Variants in NOL4 observed in about 807,000 individuals in gnomAD.
NOL4 encodes nucleolar protein 4, also known as cancer/testis antigen 125.
Under a neutral mutation model 75.9 loss-of-function variants are expected in NOL4, and 17 were observed. That is an observed-to-expected ratio of 0.22 (90% CI 0.15 to 0.34). NOL4 has a LOEUF of 0.34. Ranked by LOEUF, NOL4 falls within the 10% of genes least tolerant of loss-of-function variation. The pLI is 1.00. For synonymous variants in NOL4, 292 were observed against 289.9 expected (o/e 1.01, Z -0.07); for missense variants, 614 against 793.5 (o/e 0.77, Z 2.72).
At chr18:33,935,428 G>C (rs1002706504) in intron 9 of NOL4, among the ~76,000 whole-genome samples, 1 of 152,112 alleles carries the variant, frequency 6.6e-6, no homozygotes, top group African/African-American at 2.4e-5. Flanking sequence ...GCTGAAGAAA[G>C]AGAGAGACAG....
chr18:34,202,022 G>A (rs535462075), intron 1 of NOL4, among the ~76,000 whole-genome samples: 23 of 151,602 alleles, frequency 1.5e-4, no homozygotes, highest in African/African-American at 4.8e-4. Context: ...TTTTATTTTG[G>A]AACATTAAAA....
intron 6 of NOL4, among the ~76,000 whole-genome samples, chr18:33,985,010 TCTGAGA>T (rs1291849323): frequency 1.7e-4 from 26 of 152,184 alleles, no homozygotes; most frequent in Admixed American, 1.7e-3. Context: ...TTTACCTAAG[TCTGAGA>T]TCCTTCATTA....
intron 2 of NOL4, among the ~76,000 whole-genome samples, chr18:34,115,724 C>T (rs543949483): frequency 2.0e-4 from 30 of 152,074 alleles, no homozygotes; most frequent in African/African-American, 6.3e-4. Context: ...AACCCTTTTT[C>T]GGGGACTTCT....
At chr18:33,877,587 A>C (rs1202529092) in intron 10 of NOL4, among the ~76,000 whole-genome samples, 2 of 151,990 alleles carry the variant, frequency 1.3e-5, no homozygotes, top group African/African-American at 4.8e-5. Context: ...CTATCAAATG[A>C]TTTCTCATGT....
At chr18:33,890,525 A>C (rs2144809544) in intron 9 of NOL4, among the ~76,000 whole-genome samples, 1 of 152,208 alleles carries the variant, frequency 6.6e-6, no homozygotes, top group East Asian at 1.9e-4. Flanking sequence ...AAAAAACTTT[A>C]AAATTCATAT....
chr18:33,869,863 C>G (rs568480526), intron 10 of NOL4, among the ~76,000 whole-genome samples: 1 of 152,134 alleles, frequency 6.6e-6, no homozygotes, highest in South Asian at 2.1e-4. Flanking sequence ...ATTGCTTCAT[C>G]AAACATCCAG....
intron 9 of NOL4, among the ~76,000 whole-genome samples, chr18:33,922,846 G>T (rs2067118731): frequency 6.6e-6 from 1 of 152,046 alleles, no homozygotes; most frequent in Non-Finnish European, 1.5e-5. Context: ...TTTCTGATTT[G>T]ATTCATAACA....
At chr18:34,221,893 G>A (rs1478225356) in intron 1 of NOL4, 11 of 705,382 alleles carry the variant, frequency 1.6e-5, no homozygotes, top group Non-Finnish European at 2.3e-5. Flanking sequence ...CAGGAATACT[G>A]CACCGGGAAA....
intron 5 of NOL4, among the ~76,000 whole-genome samples, chr18:34,028,476 C>A (rs1386084620): frequency 6.6e-6 from 1 of 152,224 alleles, no homozygotes; most frequent in African/African-American, 2.4e-5. Flanking sequence ...ATGCCAACAG[C>A]CTACTGCATT....
intron 2 of NOL4, among the ~76,000 whole-genome samples, chr18:34,107,794 G>A (rs1470506576): frequency 6.6e-6 from 1 of 151,958 alleles, no homozygotes; most frequent in Non-Finnish European, 1.5e-5. Flanking sequence ...GGAGTTTCCA[G>A]CATTTGTCCC....
intron 4 of NOL4, among the ~76,000 whole-genome samples, chr18:34,094,360 T>C (rs2078670949): frequency 6.6e-6 from 1 of 152,294 alleles, no homozygotes; most frequent in East Asian, 1.9e-4. Flanking sequence ...CTAATCTTAG[T>C]ACACCCTTTC....
chr18:34,069,824 C>A (rs998559542), intron 5 of NOL4, among the ~76,000 whole-genome samples: 4 of 152,202 alleles, frequency 2.6e-5, no homozygotes, highest in African/African-American at 9.6e-5. Context: ...ACAAAAACAT[C>A]TGAAATAATT....
chr18:33,915,977 G>A lies in NOL4; in HGVS notation c.1542+27088C>T, dbSNP rs904132729. Among the ~76,000 whole-genome samples the A allele has an allele frequency of 5.9e-5, 9 of 152,068 alleles. No homozygotes were observed. The South Asian group carries it at 1.9e-3, about 32-fold the overall frequency. ...GCAAAGGAGGAATCAAAGTCACATG[G>A]ATTGAGTTCCAACATTATCGAGTAC... On this transcript the variant is annotated intron_variant, in intron 9 of 10. Coordinates refer to ENST00000261592, the MANE Select transcript of NOL4 (RefSeq NM_003787.5).
intron 1 of NOL4, among the ~76,000 whole-genome samples, chr18:34,173,357 G>C (rs2033229015): frequency 6.6e-6 from 1 of 151,994 alleles, no homozygotes; most frequent in African/African-American, 2.4e-5. Flanking sequence ...TGTATTATTT[G>C]ATATTTGATG....
intron 6 of NOL4, among the ~76,000 whole-genome samples, chr18:34,018,574 C>T (rs949160814): frequency 6.6e-6 from 1 of 151,904 alleles, no homozygotes; most frequent in Non-Finnish European, 1.5e-5. Flanking sequence ...CCATAAAAAC[C>T]CTCATATGTT....
intron 5 of NOL4, among the ~76,000 whole-genome samples, chr18:34,046,615 T>TATATATATATATATA (rs1555703552): frequency 6.9e-5 from 8 of 116,530 alleles, no homozygotes; most frequent in African/African-American, 2.3e-4. Flanking sequence ...TACATATATA[T>TATATATATATATATA]ATATATATAT....
chr18:33,914,789 T>C (rs867502410), intron 9 of NOL4, among the ~76,000 whole-genome samples: 2 of 152,024 alleles, frequency 1.3e-5, no homozygotes, highest in African/African-American at 2.4e-5. Context: ...TGGGTTGGGG[T>C]TGATATTGTG....
intron 5 of NOL4, among the ~76,000 whole-genome samples, chr18:34,046,634 A>ATATATATATATATATATATATG (rs1193500422): frequency 1.5e-5 from 2 of 137,484 alleles, no homozygotes; most frequent in African/African-American, 2.6e-5. Flanking sequence ...ATATATATAT[A>ATATATATATATATATATATATG]TATGTATATG....
chr18:34,205,483 A>G (rs1373228773), intron 1 of NOL4, among the ~76,000 whole-genome samples: 1 of 152,080 alleles, frequency 6.6e-6, no homozygotes, highest in Non-Finnish European at 1.5e-5. Context: ...GCGGTTTCTG[A>G]GCAGTAGAAT....
Sources: allele counts gnomAD v4.1 joint callset (sites outside exome capture counted in the v4.1 genomes callset), GRCh38; gene constraint gnomAD v4.1.1; transcripts MANE v1.5; gene names NCBI Gene and HGNC (gene_info 2026-07-23, HGNC 2026-07-21).